TRPC6: variants seen among roughly 807,000 people sequenced by gnomAD.
TRPC6 encodes the protein transient receptor potential cation channel subfamily C member 6, also known as short transient receptor potential channel 6.
In TRPC6, 55 loss-of-function variants were observed where a neutral mutation model predicts 90.7. The ratio of observed to expected loss-of-function variants is 0.61; its 90% CI spans 0.49 to 0.76. The LOEUF is 0.76. Among genes scored for constraint, TRPC6 ranks in the 30% least tolerant of loss-of-function variants. The pLI is 0.00. For missense variants in TRPC6, 989 were observed against 1,122.7 expected, an observed-to-expected ratio of 0.88 and a Z score of 1.70; for synonymous variants, 393 against 393.0, an observed-to-expected ratio of 1.00 and a Z score of 0.00.
At chr11:101,545,978 G>A (rs944532076) in intron 1 of TRPC6, among the ~76,000 whole-genome samples, 1 of 144,378 alleles carries the variant, frequency 6.9e-6, no homozygotes, top group Admixed American at 7.1e-5. Context: ...CTATAAAGAA[G>A]AAGAGAGAGT....
intron 10 of TRPC6, among the ~76,000 whole-genome samples, chr11:101,457,648 A>C (rs1858915938): frequency 6.6e-6 from 1 of 152,176 alleles, no homozygotes. Context: ...ATTGCTCTGA[A>C]TCAAGTGGAT....
intron 2 of TRPC6, among the ~76,000 whole-genome samples, chr11:101,493,834 T>C (rs1859883112): frequency 6.6e-6 from 1 of 152,190 alleles, no homozygotes; most frequent in East Asian, 1.9e-4. Flanking sequence ...GTGGGGGGTG[T>C]CTGTATGGAG....
rs143645735 is a variant in TRPC6, at chr11:101,507,410, C to T, written c.171-2612G>A. Among the ~76,000 whole-genome samples, 295 of 151,600 alleles carry T rather than the reference C, an allele frequency of 1.9e-3. 4 individuals are homozygous for T. The highest frequency in any genetic ancestry group is 6.8e-3 in the African/African-American group (282 of 41,328). On this transcript the variant is annotated intron_variant, in intron 1 of 12. Transcript: ENST00000344327. The stretch of plus-strand genomic sequence containing the variant: ...GCATGTATGTTCTCTTTGAATCTTC[C>T]TTTGGTATCATTCCAAGGATTCTCT...
At chr11:101,555,681 T>C (rs1241739973) in intron 1 of TRPC6, among the ~76,000 whole-genome samples, 1 of 152,210 alleles carries the variant, frequency 6.6e-6, no homozygotes, top group East Asian at 1.9e-4. Flanking sequence ...GTAAAACAGA[T>C]GTCAAAGAAT....
At chr11:101,460,328 T>G (rs181501516) in intron 10 of TRPC6, among the ~76,000 whole-genome samples, 263 of 152,280 alleles carry the variant, frequency 1.7e-3, no homozygotes, top group African/African-American at 6.0e-3. Context: ...ACTATTTCCA[T>G]ATAACTTACT....
intron 1 of TRPC6, among the ~76,000 whole-genome samples, chr11:101,509,401 G>A (rs1031323722): frequency 6.6e-6 from 1 of 151,768 alleles, no homozygotes; most frequent in Non-Finnish European, 1.5e-5. Flanking sequence ...CCTGCCCTTT[G>A]TTTGTCTTTT....
At chr11:101,561,710 T>C in intron 1 of TRPC6, among the ~76,000 whole-genome samples, 1 of 151,998 alleles carries the variant, frequency 6.6e-6, no homozygotes, top group South Asian at 2.1e-4. Flanking sequence ...GGGCTAAACT[T>C]AAACACCCTA....
At position 101,490,872 on chromosome 11, in the gene TRPC6, G is replaced by A. The variant is rs143291890; in HGVS notation, c.1128+684C>T. ...ATGCAGCTGGTGGAAATTCTAATGC[G>A]GTAAAGAAGGAATTGAAGGCATTAT... On this transcript the variant is annotated intron_variant, in intron 3 of 12. Transcript: ENST00000344327. Among the ~76,000 whole-genome samples the A allele has an allele frequency of 5.0e-3, 755 of 152,254 alleles. 4 individuals are homozygous for A. Among genetic ancestry groups the A allele is most frequent in the African/African-American group, 0.017 (708 of 41,534 alleles).
chr11:101,459,032 A>ATGAT (rs1858945515), intron 10 of TRPC6, among the ~76,000 whole-genome samples: 1 of 152,250 alleles, frequency 6.6e-6, no homozygotes, highest in Non-Finnish European at 1.5e-5. Flanking sequence ...TGAAATATAA[A>ATGAT]TGATTGCCTT....
At chr11:101,558,082 T>C (rs914454595) in intron 1 of TRPC6, among the ~76,000 whole-genome samples, 1 of 151,768 alleles carries the variant, frequency 6.6e-6, no homozygotes, top group Non-Finnish European at 1.5e-5. Context: ...AGGCAATTCA[T>C]AAGCAAAAAG....
At chr11:101,557,400 A>G (rs1387228098) in intron 1 of TRPC6, among the ~76,000 whole-genome samples, 1 of 152,142 alleles carries the variant, frequency 6.6e-6, no homozygotes, top group Non-Finnish European at 1.5e-5. Flanking sequence ...CACAGCTAAC[A>G]TTATACTCAA....
chr11:101,530,562 C>G (rs1390278576), intron 1 of TRPC6, among the ~76,000 whole-genome samples: 5 of 152,136 alleles, frequency 3.3e-5, no homozygotes, highest in African/African-American at 7.2e-5. Flanking sequence ...CCAAGTGACC[C>G]TTCCCAGGAA....
intron 1 of TRPC6, among the ~76,000 whole-genome samples, chr11:101,581,567 T>A (rs1591154962): frequency 2.0e-5 from 3 of 152,226 alleles, no homozygotes; most frequent in African/African-American, 7.2e-5. Flanking sequence ...TCACCTAGTT[T>A]AGCCAGGAGG....
chr11:101,572,754 A>G (rs1235372177), intron 1 of TRPC6, among the ~76,000 whole-genome samples: 1 of 152,162 alleles, frequency 6.6e-6, no homozygotes, highest in Non-Finnish European at 1.5e-5. Flanking sequence ...AAACTAACAC[A>G]AGAACCGAAA....
In TRPC6 at chr11:101,472,506, G is replaced by A. The variant is rs1037783193; in HGVS notation, c.2010-174C>T. Among the ~76,000 whole-genome samples, 4 of 152,132 alleles carry A rather than the reference G, an allele frequency of 2.6e-5. 1 individual carries two copies. The South Asian group carries it at 8.3e-4, about 31-fold the overall frequency. On this transcript the variant is annotated intron_variant, in intron 7 of 12. Transcript: ENST00000344327. ...GTAAAATGGTTACAATAGGATTGCT[G>A]CAAGGATGGGGTAATATTGTGCATA...
chr11:101,552,146 A>G (rs1565240398), intron 1 of TRPC6, among the ~76,000 whole-genome samples: 4 of 152,066 alleles, frequency 2.6e-5, no homozygotes, highest in African/African-American at 9.7e-5. Context: ...AAGATCATAT[A>G]CTTGATGCAC....
rs1271264919 is a variant in TRPC6, at chr11:101,475,332, G to T, written c.1744+969C>A. On this transcript the variant is annotated intron_variant, in intron 6 of 12. Coordinates refer to ENST00000344327, the MANE Select transcript of TRPC6 (RefSeq NM_004621.6). ...TATATATATCTATGGGGCACAACTT[G>T]ATGTTTTCATATATGTCTGTCTACA... Among the ~76,000 whole-genome samples the T allele has an allele frequency of 2.6e-5, 4 of 152,134 alleles. No individual in the cohort carries two copies. The East Asian group carries it at 7.7e-4, about 29-fold the overall frequency.
intron 10 of TRPC6, among the ~76,000 whole-genome samples, chr11:101,468,269 T>TGGCTTAGGGTTCCCCTTACC (rs1228197365): frequency 6.6e-6 from 1 of 152,240 alleles, no homozygotes; most frequent in Non-Finnish European, 1.5e-5. Flanking sequence ...CTAGGGCTAA[T>TGGCTTAGGGTTCCCCTTACC]GGCTTAGGGT....
At chr11:101,575,642 T>C (rs897005120) in intron 1 of TRPC6, among the ~76,000 whole-genome samples, 3 of 152,094 alleles carry the variant, frequency 2.0e-5, no homozygotes, top group Non-Finnish European at 2.9e-5. Context: ...CTGGACATAA[T>C]CATATAAAAT....
Sources: gnomAD v4.1 joint callset for allele counts (sites outside exome capture counted in the v4.1 genomes callset) on GRCh38, gnomAD v4.1.1 for gene constraint, MANE v1.5 for transcripts, NCBI Gene and HGNC (gene_info 2026-07-23, HGNC 2026-07-21) for gene names.